The following EGF variants were observed in gnomAD, a reference collection of about 807,000 sequenced individuals.
The protein encoded by EGF is epidermal growth factor.
In EGF, 95 loss-of-function variants were observed where a neutral mutation model predicts 143.8. The observed-to-expected ratio is 0.66, with a 90% CI of 0.56 to 0.78. The LOEUF (loss-of-function observed/expected upper bound fraction) is 0.78. Among genes scored for constraint, EGF ranks in the 30% least tolerant of loss-of-function variants. The pLI is 0.00. For synonymous variants in EGF, 510 were observed against 510.5 expected (o/e 1.00, Z 0.01); for missense variants, 1,320 against 1,470.9 (o/e 0.90, Z 1.68).
intron 18 of EGF, among the ~76,000 whole-genome samples, chr4:109,990,917 T>C (rs1433094555): frequency 6.6e-6 from 1 of 152,208 alleles, no homozygotes; most frequent in African/African-American, 2.4e-5. Context: ...CTTACTTTCC[T>C]CTTGGTAGAT....
rs1736005501 is a variant in EGF, at chr4:109,913,185, G to GACAACAGC, written c.-143_-136dup. 3.4e-6 allele frequency: 3 copies of GACAACAGC among 876,486 alleles called. No homozygotes were observed. The highest frequency in any genetic ancestry group is 2.0e-5 in the Admixed American group (1 of 48,904). 54.3% of individuals were successfully genotyped at this position (876,486 alleles called of 1,614,324 possible). A position where few individuals can be genotyped will look rare whatever the true frequency, so the allele number is the denominator to read the frequency against. ...TCTCAGTTGAAGAAAGAGCTTGGAG[G>GACAACAGC]ACAACAGCACAACAGGAGAGTAAAA... is the stretch of plus-strand genomic sequence containing the variant. On this transcript the variant is annotated 5_prime_UTR_variant, in exon 1 of 24. Transcript: ENST00000265171.
At chr4:109,945,845 C>T (rs944410522) in intron 5 of EGF, among the ~76,000 whole-genome samples, 1 of 152,154 alleles carries the variant, frequency 6.6e-6, no homozygotes, top group Admixed American at 6.5e-5. Flanking sequence ...ATGTAGGTAC[C>T]TCTGCAGCCA....
At chr4:109,947,940 A>G (rs1743123114) in intron 5 of EGF, among the ~76,000 whole-genome samples, 1 of 152,212 alleles carries the variant, frequency 6.6e-6, no homozygotes, top group Non-Finnish European at 1.5e-5. Flanking sequence ...TCACATAGCT[A>G]GTTAATGATG....
chr4:109,954,162 A>T (rs982328207), intron 5 of EGF, among the ~76,000 whole-genome samples: 2 of 151,966 alleles, frequency 1.3e-5, no homozygotes, highest in Non-Finnish European at 2.9e-5. Flanking sequence ...AGCAATTCTC[A>T]TGTTTCAGCC....
chr4:109,987,024 T>TCTA (rs1325488038), intron 16 of EGF, among the ~76,000 whole-genome samples: 3 of 152,210 alleles, frequency 2.0e-5, no homozygotes, highest in Admixed American at 2.0e-4. Flanking sequence ...GGTGCACAGA[T>TCTA]CTACTTGCTA....
chr4:109,992,225 A>T (rs921963437), intron 18 of EGF: 11 of 151,470 alleles, frequency 7.3e-5, no homozygotes, highest in African/African-American at 2.2e-4. Flanking sequence ...GAACGGAAAC[A>T]AAAAAGGAAA....
In EGF at chr4:109,956,124, C is replaced by T. The variant is rs182500038; in HGVS notation, c.941-3188C>T. On this transcript the variant is annotated intron_variant, in intron 5 of 23. Transcript: ENST00000265171. ...GGTATAAACTCAGAAGAATTTTTCA[C>T]CAACATTTAATTCTGTTTATAACTA... 3.9e-5 allele frequency among the ~76,000 whole-genome samples: 6 copies of T among 152,214 alleles called. No homozygotes were observed. The East Asian group carries it at 9.6e-4, about 24-fold the overall frequency.
At chr4:109,937,127 TG>T (rs1311635261) in intron 1 of EGF, among the ~76,000 whole-genome samples, 1 of 152,180 alleles carries the variant, frequency 6.6e-6, no homozygotes, top group African/African-American at 2.4e-5. Flanking sequence ...ATATTGACAG[TG>T]GGGTGTTATT....
intron 20 of EGF, among the ~76,000 whole-genome samples, chr4:109,998,687 G>T (rs965719251): frequency 6.6e-6 from 1 of 152,184 alleles, no homozygotes; most frequent in Non-Finnish European, 1.5e-5. Context: ...AGATCTTCTG[G>T]AGCTTTGTCC....
intron 5 of EGF, among the ~76,000 whole-genome samples, chr4:109,957,866 T>C (rs1350189200): frequency 1.3e-5 from 2 of 152,254 alleles, no homozygotes; most frequent in African/African-American, 2.4e-5. Context: ...TTGCCAGGCC[T>C]CTGGCCTCTG....
chr4:110,005,067 G>T (rs1578407059), intron 22 of EGF, among the ~76,000 whole-genome samples: 1 of 101,280 alleles, frequency 9.9e-6, no homozygotes, highest in East Asian at 3.1e-4. Context: ...TTTTGGACAG[G>T]ATCTTGCTCT....
intron 21 of EGF, chr4:110,001,615 T>C: frequency 2.0e-6 from 2 of 985,416 alleles, no homozygotes; most frequent in Non-Finnish European, 2.4e-6. Flanking sequence ...TATGATATAG[T>C]ATGTCTTATG....
rs565650251 is a variant in EGF at position 109,919,684 on chromosome 4, C to CTCA, written c.127+6223_127+6225dup. On this transcript the variant is annotated intron_variant, in intron 1 of 23. Coordinates refer to ENST00000265171, the MANE Select transcript of EGF (RefSeq NM_001963.6). ...GAACTACTTCCAGGAGCACTGTGGC[C>CTCA]TCACATTGGTGTGGCCAGAGATCAA... Among the ~76,000 whole-genome samples, 319 of 148,562 alleles carry CTCA rather than the reference C, an allele frequency of 2.1e-3. 3 individuals are homozygous for CTCA. The highest frequency in any genetic ancestry group is 5.6e-3 in the South Asian group (27 of 4,818).
chr4:109,981,772 T>C (rs1311754828), intron 15 of EGF, among the ~76,000 whole-genome samples: 2 of 152,238 alleles, frequency 1.3e-5, no homozygotes, highest in Non-Finnish European at 2.9e-5. Flanking sequence ...CTTATGTTTT[T>C]CCTCTAGCTA....
chr4:109,984,839 T>C (rs1749905897), intron 16 of EGF, among the ~76,000 whole-genome samples: 1 of 152,186 alleles, frequency 6.6e-6, no homozygotes. Flanking sequence ...TAAGACGTTC[T>C]GGAAAACTTC....
chr4:110,009,175 A>T (rs146355085), intron 23 of EGF, among the ~76,000 whole-genome samples: 1 of 152,312 alleles, frequency 6.6e-6, no homozygotes, highest in Non-Finnish European at 1.5e-5. Context: ...AATTCAGTAC[A>T]ACTTTATTAC....
intron 7 of EGF, 92 bp from the exon 8 acceptor site, chr4:109,961,771 G>A (rs1477367012): frequency 8.4e-6 from 13 of 1,554,620 alleles, no homozygotes; most frequent in African/African-American, 4.1e-5. Flanking sequence ...GGTCAAGGCA[G>A]GAGGATCACC....
At chr4:109,919,150 T>C (rs192054035) in intron 1 of EGF, among the ~76,000 whole-genome samples, 2 of 152,338 alleles carry the variant, frequency 1.3e-5, no homozygotes, top group East Asian at 1.9e-4. Context: ...AACAGTTGTG[T>C]ACTCCTTTGA....
rs765061500 is a variant in EGF at position 109,964,572 on chromosome 4, C to T, written c.1575+35C>T. ...TGTTACTTGAACAGATGTGGACATG[C>T]TTTAAGGACAGAGTAGAGGATTTTA... On this transcript the variant is annotated intron_variant, in intron 10 of 23. Transcript: ENST00000265171. 1.5e-5 allele frequency: 24 copies of T among 1,613,314 alleles called. No homozygotes were observed. In the South Asian group the frequency reaches 2.4e-4, roughly 16 times the overall value.
Sources: allele counts gnomAD v4.1 joint callset (sites outside exome capture counted in the v4.1 genomes callset), GRCh38; gene constraint gnomAD v4.1.1; transcripts MANE v1.5; gene names NCBI Gene and HGNC (gene_info 2026-07-23, HGNC 2026-07-21).